The following PCDHA2 variants were observed in gnomAD, a reference collection of about 807,000 sequenced individuals.
PCDHA2 encodes protocadherin alpha-2.
A neutral mutation model predicts 66.0 loss-of-function variants in PCDHA2; 58 were observed. The observed-to-expected ratio is 0.88, with a 90% confidence interval of 0.71 to 1.09. PCDHA2 has a LOEUF of 1.09. Among genes scored for constraint, PCDHA2 ranks in the 50% least tolerant of loss-of-function variants. The pLI, the probability that PCDHA2 is intolerant of heterozygous loss-of-function variation, is 0.00. For synonymous variants in PCDHA2, 634 were observed against 554.0 expected, an observed-to-expected ratio of 1.14 and a Z score of -2.03; for missense variants, 1,267 against 1,242.3, an observed-to-expected ratio of 1.02 and a Z score of -0.30.
intron 1 of PCDHA2, chr5:140,808,469 C>A: frequency 6.2e-7 from 1 of 1,614,170 alleles, no homozygotes; most frequent in Non-Finnish European, 8.5e-7. Flanking sequence ...GGTGACCGCG[C>A]GAGACGGGGG....
intron 3 of PCDHA2, among the ~76,000 whole-genome samples, chr5:141,007,379 C>G (rs1178671835): frequency 7.1e-6 from 1 of 139,926 alleles, no homozygotes; most frequent in Non-Finnish European, 1.5e-5. Flanking sequence ...GATGGAACAC[C>G]ATCTCTACTA....
At chr5:140,881,075 G>A (rs2058577107) in intron 1 of PCDHA2, among the ~76,000 whole-genome samples, 1 of 152,202 alleles carries the variant, frequency 6.6e-6, no homozygotes, top group African/African-American at 2.4e-5. Context: ...AATTATTGGA[G>A]CTATGATATA....
At chr5:140,841,325 GA>G in intron 1 of PCDHA2, 4 of 1,608,154 alleles carry the variant, frequency 2.5e-6, no homozygotes, top group Non-Finnish European at 3.4e-6. Flanking sequence ...ATTTAACATG[GA>G]TTATCACTGG....
intron 1 of PCDHA2, chr5:140,884,432 C>G: frequency 6.2e-7 from 1 of 1,613,880 alleles, no homozygotes; most frequent in Non-Finnish European, 8.5e-7. Context: ...TACTGCGCTG[C>G]GGTGCTCGGC....
rs114851794 is a variant in PCDHA2, at chr5:140,908,247, A to G, written c.2389-70702A>G. ...GTCCTTAGTCTTCTCTTCCTCATCA[A>G]CTGATCATAGGGAACTCCCCATGAG... On this transcript the variant is annotated intron_variant, in intron 1 of 3. Coordinates refer to ENST00000526136, the MANE Select transcript of PCDHA2 (RefSeq NM_018905.3). Among the ~76,000 whole-genome samples, 435 of 152,170 alleles carry G rather than the reference A, an allele frequency of 2.9e-3. 1 individual carries two copies. Among genetic ancestry groups the G allele is most frequent in the African/African-American group, 9.6e-3 (400 of 41,506 alleles).
chr5:140,824,225 A>T, intron 1 of PCDHA2: 1 of 1,554,028 alleles, frequency 6.4e-7, no homozygotes, highest in Non-Finnish European at 8.9e-7. Flanking sequence ...ATTATGTCTT[A>T]GTACACAAAT....
chr5:140,809,421 T>TG, intron 1 of PCDHA2: 1 of 1,614,034 alleles, frequency 6.2e-7, no homozygotes, highest in East Asian at 2.2e-5. Flanking sequence ...TCCAGTGCGG[T>TG]GGGGAGCTGG....
intron 1 of PCDHA2, among the ~76,000 whole-genome samples, chr5:140,944,781 G>T (rs1404959208): frequency 6.6e-6 from 1 of 152,114 alleles, no homozygotes; most frequent in Non-Finnish European, 1.5e-5. Context: ...TCCTGTTATT[G>T]TATTTTACAA....
At position 140,850,250 on chromosome 5, in the gene PCDHA2, G is replaced by C; in HGVS notation, c.2388+52898G>C. Reference sequence around the variant, plus strand: ...TGAGCGAGATGGTGCTGCGGTCGGTGGGCGCCGGCGTAGTGGTGGGGAAGG... The same window carrying C: ...TGAGCGAGATGGTGCTGCGGTCGGTCGGCGCCGGCGTAGTGGTGGGGAAGG... On this transcript the variant is annotated intron_variant, in intron 1 of 3. Transcript: ENST00000526136. The C allele has an allele frequency of 1.9e-6, 3 of 1,594,024 alleles. 1 individual carries two copies. Among genetic ancestry groups the C allele is most frequent in the Non-Finnish European group, 2.6e-6 (3 of 1,167,182 alleles).
chr5:140,830,115 C>T lies in PCDHA2; in HGVS notation c.2388+32763C>T, dbSNP rs2150181340. 2.2e-5 allele frequency: 35 copies of T among 1,613,546 alleles called. No individual in the cohort carries two copies. In the East Asian group the frequency reaches 7.1e-4, roughly 33 times the overall value. On this transcript the variant is annotated intron_variant, in intron 1 of 3. Transcript: ENST00000526136. Reference sequence around the variant, plus strand: ...GTGTCGCTGGTGGAGAGTGGCCAGGCTCCAAAGGCGTCATCACGGGCGTCG... The same window carrying T: ...GTGTCGCTGGTGGAGAGTGGCCAGGTTCCAAAGGCGTCATCACGGGCGTCG...
intron 1 of PCDHA2, chr5:140,822,290 A>T: frequency 6.2e-7 from 1 of 1,614,256 alleles, no homozygotes; most frequent in Non-Finnish European, 8.5e-7. Flanking sequence ...TACAGGTTAA[A>T]TCCAAACGAA....
chr5:140,887,258 T>G (rs934733001), intron 1 of PCDHA2, among the ~76,000 whole-genome samples: 4 of 151,924 alleles, frequency 2.6e-5, no homozygotes, highest in East Asian at 1.9e-4. Context: ...CACCACGCCC[T>G]GCTAATTTTT....
In PCDHA2 at chr5:141,009,782, C is replaced by G; in HGVS notation, c.2692C>G (p.Arg898Gly). ...AGGATCTCCTGCAATCATCTCCATC[C>G]GGCAGGAGCCTACTAACAGCCAAAT... ...IPGSPAIISI[R>G]QEPTNSQIDK... Residue 898 changes from arginine to glycine, a missense_variant, in exon 4 of 4, where the codon CGG becomes GGG. By Grantham distance (125) the Arg-to-Gly change is moderately radical. Transcript: ENST00000526136. 1.2e-6 allele frequency: 2 copies of G among 1,614,074 alleles called. No homozygotes were observed. Among genetic ancestry groups the G allele is most frequent in the Non-Finnish European group, 1.7e-6 (2 of 1,180,012 alleles).
chr5:140,913,807 C>A (rs2076472600), intron 1 of PCDHA2, among the ~76,000 whole-genome samples: 1 of 152,068 alleles, frequency 6.6e-6, no homozygotes, highest in African/African-American at 2.4e-5. Flanking sequence ...ATCAAATTTT[C>A]AATTTCCTTT....
intron 1 of PCDHA2, chr5:140,857,395 C>T (rs1554149953): frequency 6.3e-7 from 1 of 1,598,586 alleles, no homozygotes; most frequent in South Asian, 1.1e-5. Context: ...ACGTGAACGA[C>T]AACGCGCCTG....
chr5:140,978,601 G>A (rs1382051729), intron 1 of PCDHA2, among the ~76,000 whole-genome samples: 1 of 152,244 alleles, frequency 6.6e-6, no homozygotes, highest in African/African-American at 2.4e-5. Flanking sequence ...TGGGGCACTT[G>A]AGGGCAAAAG....
intron 1 of PCDHA2, among the ~76,000 whole-genome samples, chr5:140,973,337 G>T (rs2096582330): frequency 6.6e-6 from 1 of 152,162 alleles, no homozygotes; most frequent in African/African-American, 2.4e-5. Flanking sequence ...TCGTTGTAAA[G>T]TGACATAGTA....
intron 3 of PCDHA2, among the ~76,000 whole-genome samples, chr5:140,989,845 T>C (rs1180098230): frequency 2.6e-5 from 4 of 152,118 alleles, no homozygotes; most frequent in Non-Finnish European, 5.9e-5. Flanking sequence ...AATGAGTGTG[T>C]GGACTGGAGA....
intron 1 of PCDHA2, among the ~76,000 whole-genome samples, chr5:140,879,635 G>A (rs190054745): frequency 3.8e-4 from 58 of 152,286 alleles, no homozygotes; most frequent in African/African-American, 1.2e-3. Context: ...TAAGTGTGTC[G>A]CTTCCTGTGG....
Sources: gnomAD v4.1 joint callset for allele counts (sites outside exome capture counted in the v4.1 genomes callset) on GRCh38, gnomAD v4.1.1 for gene constraint, MANE v1.5 for transcripts, NCBI Gene and HGNC (gene_info 2026-07-23, HGNC 2026-07-21) for gene names.